Variants in TMEM229B observed in about 807,000 individuals in gnomAD.
TMEM229B encodes chromosome 14 open reading frame 83.
Under a neutral mutation model 13.7 loss-of-function variants are expected in TMEM229B, and 6 were observed. The ratio of observed to expected loss-of-function variants is 0.44; its 90% CI spans 0.24 to 0.86. The LOEUF is 0.86. TMEM229B is among the 40% of genes least tolerant of loss of function. The pLI is 0.23. For missense variants in TMEM229B, 170 were observed against 236.0 expected, an observed-to-expected ratio of 0.72 and a Z score of 1.83; for synonymous variants, 107 against 102.1, an observed-to-expected ratio of 1.05 and a Z score of -0.29.
intron 1 of TMEM229B, among the ~76,000 whole-genome samples, chr14:67,511,529 A>G (rs1157772181): frequency 1.3e-5 from 2 of 152,122 alleles, no homozygotes; most frequent in Non-Finnish European, 2.9e-5. Context: ...TAAACTCCCT[A>G]CTGGGAAGCC....
intron 1 of TMEM229B, among the ~76,000 whole-genome samples, chr14:67,498,833 T>G (rs879376811): frequency 2.0e-4 from 31 of 151,770 alleles, no homozygotes; most frequent in Non-Finnish European, 4.6e-4. Context: ...GCCTGATTAA[T>G]TTTTTTTGTA....
At chr14:67,528,199 A>G (rs974831933) in intron 1 of TMEM229B, among the ~76,000 whole-genome samples, 16 of 152,172 alleles carry the variant, frequency 1.1e-4, no homozygotes, top group African/African-American at 3.6e-4. Flanking sequence ...ACCAGCATCT[A>G]CTGAGTACTT....
upstream of TMEM229B, among the ~76,000 whole-genome samples, chr14:67,489,818 A>G (rs377399951): frequency 1.0e-3 from 158 of 152,244 alleles, no homozygotes; most frequent in African/African-American, 3.4e-3. Context: ...GTGAAACCCC[A>G]TCTCTACTAA....
chr14:67,528,625 A>G (rs964909925), intron 1 of TMEM229B, among the ~76,000 whole-genome samples: 4 of 152,166 alleles, frequency 2.6e-5, no homozygotes, highest in African/African-American at 9.7e-5. Context: ...GAGCTCCACC[A>G]GCTCCCAACT....
At chr14:67,477,192 T>G (rs1315728) in intron 2 of TMEM229B, among the ~76,000 whole-genome samples, 74,171 of 151,092 alleles carry the variant, frequency 0.49, 18,627 homozygotes, top group African/African-American at 0.6. Flanking sequence ...ATGTTCGATA[T>G]CTCCTTATTT....
Position 67,473,987 on chromosome 14 carries a change from T to G in TMEM229B, c.-18-46A>C, listed in dbSNP as rs2030990153. 1 of 1,509,828 alleles carries G rather than the reference T, an allele frequency of 6.6e-7. No homozygotes were observed. The highest frequency in any genetic ancestry group is 2.1e-5 in the Admixed American group (1 of 46,522). 93.5% of individuals were successfully genotyped at this position (1,509,828 alleles called of 1,614,324 possible). On this transcript the variant is annotated intron_variant, in intron 2 of 2. Coordinates refer to ENST00000554480, the MANE Select transcript of TMEM229B (RefSeq NM_001348543.2). This position sits in a 1 kb window ranked among gnomAD's most constrained non-coding sequence, Gnocchi z 6.5. ...ACAGGTGAGGGCCGGGCGCGGTGGCTCACGCCTATAATCCCTGCGCTTTGG... is the reference window on the plus strand; with the variant it reads ...ACAGGTGAGGGCCGGGCGCGGTGGCGCACGCCTATAATCCCTGCGCTTTGG...
At chr14:67,497,335 C>T (rs1441249296) in intron 1 of TMEM229B, among the ~76,000 whole-genome samples, 2 of 152,080 alleles carry the variant, frequency 1.3e-5, no homozygotes, top group Admixed American at 1.3e-4. Context: ...GTGTAACCTG[C>T]CTAAGGTCAT....
At chr14:67,521,619 G>A (rs886466098) in intron 1 of TMEM229B, among the ~76,000 whole-genome samples, 2 of 152,142 alleles carry the variant, frequency 1.3e-5, no homozygotes, top group African/African-American at 2.4e-5. Flanking sequence ...TGAACACCTT[G>A]AGCCTGAAAA....
chr14:67,497,613 C>A (rs2032444166), intron 1 of TMEM229B, among the ~76,000 whole-genome samples: 1 of 152,198 alleles, frequency 6.6e-6, no homozygotes, highest in African/African-American at 2.4e-5. Context: ...AAGATCCTAA[C>A]TCCCTTTCTA....
At chr14:67,492,779 T>A (rs537612368), upstream of TMEM229B, among the ~76,000 whole-genome samples, 4 of 152,086 alleles carry the variant, frequency 2.6e-5, no homozygotes, top group South Asian at 8.3e-4. Context: ...TTATTCAAGG[T>A]GTTATATTCC....
At chr14:67,478,991 A>G (rs1237180238) in intron 2 of TMEM229B, among the ~76,000 whole-genome samples, 2 of 152,222 alleles carry the variant, frequency 1.3e-5, no homozygotes, top group Admixed American at 1.3e-4. Flanking sequence ...TATACAAAAA[A>G]ATTAAACAAC....
At chr14:67,488,326 G>A (rs1293994273) in intron 1 of TMEM229B, among the ~76,000 whole-genome samples, 182 bp downstream of exon 1, 1 of 152,256 alleles carries the variant, frequency 6.6e-6, no homozygotes, top group Non-Finnish European at 1.5e-5. Flanking sequence ...AAGTGAAAGG[G>A]CAGGAGTGGG....
At chr14:67,475,964 C>T (rs1028735703) in intron 2 of TMEM229B, among the ~76,000 whole-genome samples, 5 of 152,226 alleles carry the variant, frequency 3.3e-5, no homozygotes, top group East Asian at 1.9e-4. Flanking sequence ...GACGCAGGCC[C>T]GTCCTGGGCA....
intron 2 of TMEM229B, among the ~76,000 whole-genome samples, chr14:67,479,518 G>T (rs1216942988): frequency 6.6e-6 from 1 of 151,442 alleles, no homozygotes; most frequent in Admixed American, 6.6e-5. Context: ...AGGAGTTCGA[G>T]ACCAGCCTGG....
chr14:67,522,255 G>A (rs1193968681), intron 1 of TMEM229B, among the ~76,000 whole-genome samples: 1 of 152,158 alleles, frequency 6.6e-6, no homozygotes, highest in Non-Finnish European at 1.5e-5. Flanking sequence ...CCCCGTACCC[G>A]CTCCTCTCCC....
intron 2 of TMEM229B, among the ~76,000 whole-genome samples, chr14:67,480,574 C>T (rs959276800): frequency 5.9e-5 from 9 of 152,162 alleles, no homozygotes; most frequent in African/African-American, 1.7e-4. Context: ...CACACTGAGG[C>T]GGTCTGAGGG....
chr14:67,532,119 G>GTT (rs1056752201), intron 1 of TMEM229B, among the ~76,000 whole-genome samples: 32 of 152,242 alleles, frequency 2.1e-4, no homozygotes, highest in Admixed American at 1.6e-3. Context: ...CATTGGCCCA[G>GTT]TTAAATTCTC....
Position 67,473,487 on chromosome 14 carries a change from T to C in TMEM229B, c.437A>G (p.Lys146Arg). 1 of 1,614,176 alleles carries C rather than the reference T, an allele frequency of 6.2e-7. No homozygotes were observed. Among genetic ancestry groups the C allele is most frequent in the Non-Finnish European group, 8.5e-7 (1 of 1,180,026 alleles). Residue 146 changes from lysine (K) to arginine (R), a missense_variant, in exon 3 of 3, where the codon AAG (lysine) becomes AGG (arginine). By Grantham distance (26) the Lys-to-Arg change is conservative. Around this residue, in one of 4 missense-constraint regions of TMEM229B, gnomAD observed 70 missense variants for 60.9 expected, o/e 1.15. Transcript: ENST00000554480. The surrounding 1 kb of genome is among the most constrained non-coding windows in gnomAD (Gnocchi z 6.5). ...IRNTLRLRFD[K>R]DAEPGEPSGA... ...GCTGGGCTCCCCGGGCTCAGCGTCC[T>C]TGTCGAAGCGGAGGCGGAGGGTGTT...
upstream of TMEM229B, among the ~76,000 whole-genome samples, chr14:67,489,917 G>A (rs1349948274): frequency 6.6e-6 from 1 of 151,980 alleles, no homozygotes; most frequent in African/African-American, 2.4e-5. Flanking sequence ...GTGAACCTGG[G>A]AGGCAGAGCT....
Sources: gnomAD v4.1 joint callset for allele counts (sites outside exome capture counted in the v4.1 genomes callset) on GRCh38, gnomAD v4.1.1 for gene constraint, gnomAD v4.1.1 regional missense constraint, Gnocchi (gnomAD v3.1) non-coding constraint, MANE v1.5 for transcripts, NCBI Gene and HGNC (gene_info 2026-07-23, HGNC 2026-07-21) for gene names.